PTPRD: variants seen among roughly 807,000 people sequenced by gnomAD.
PTPRD encodes the protein protein tyrosine phosphatase receptor type D, also known as receptor-type tyrosine-protein phosphatase delta.
A neutral mutation model predicts 214.5 loss-of-function variants in PTPRD; 34 were observed. That is an observed-to-expected ratio of 0.16 (90% confidence interval 0.12 to 0.21). PTPRD has a LOEUF of 0.21. Ranked by LOEUF, PTPRD falls within the 10% of genes least tolerant of loss-of-function variation. The probability of loss-of-function intolerance (pLI) is 1.00; values close to 1 mark genes in which losing one functional copy is unlikely to be tolerated. For missense variants in PTPRD, 2,545 were observed against 2,398.7 expected, an observed-to-expected ratio of 1.06 and a Z score of -1.27; for synonymous variants, 1,128 against 845.7, an observed-to-expected ratio of 1.33 and a Z score of -5.79.
intron 11 of PTPRD, among the ~76,000 whole-genome samples, chr9:8,785,971 T>C (rs1286750842): frequency 6.6e-6 from 1 of 152,096 alleles, no homozygotes; most frequent in Non-Finnish European, 1.5e-5. Flanking sequence ...ACAGAATCAC[T>C]TCCAATTGCT....
intron 3 of PTPRD, among the ~76,000 whole-genome samples, chr9:10,096,591 T>A (rs921169325): frequency 4.6e-5 from 7 of 151,954 alleles, no homozygotes; most frequent in African/African-American, 1.7e-4. Flanking sequence ...GGGTTTTTTG[T>A]TTTTTTCTTG....
intron 9 of PTPRD, among the ~76,000 whole-genome samples, chr9:9,331,776 G>A (rs1275847648): frequency 6.6e-6 from 1 of 151,908 alleles, no homozygotes; most frequent in Admixed American, 6.6e-5. Flanking sequence ...CAAATAAATA[G>A]GTGCAGTGAC....
intron 7 of PTPRD, among the ~76,000 whole-genome samples, chr9:9,590,713 A>G (rs1255725996): frequency 1.3e-5 from 2 of 152,018 alleles, no homozygotes; most frequent in Middle Eastern, 3.2e-3. Flanking sequence ...ATTCTTACCC[A>G]AAATCTGAAT....
intron 12 of PTPRD, among the ~76,000 whole-genome samples, chr9:8,721,182 A>G (rs2098491805): frequency 6.6e-6 from 1 of 151,992 alleles, no homozygotes; most frequent in African/African-American, 2.4e-5. Context: ...TTATCCCAAC[A>G]CTTTGGGAAG....
At chr9:8,789,977 C>G (rs958060623) in intron 11 of PTPRD, among the ~76,000 whole-genome samples, 4 of 152,072 alleles carry the variant, frequency 2.6e-5, no homozygotes, top group African/African-American at 9.7e-5. Flanking sequence ...CTATACAATA[C>G]TATACAACTC....
At chr9:10,599,587 G>T (rs191638437) in intron 2 of PTPRD, among the ~76,000 whole-genome samples, 1 of 151,752 alleles carries the variant, frequency 6.6e-6, no homozygotes, top group East Asian at 1.9e-4. Flanking sequence ...AAACAAATAG[G>T]CAAAGAACCA....
chr9:10,264,496 T>G (rs190883888), intron 3 of PTPRD, among the ~76,000 whole-genome samples: 11 of 152,292 alleles, frequency 7.2e-5, no homozygotes, highest in Admixed American at 2.6e-4. Context: ...CTGCTGGATT[T>G]TGGACTTGCA....
At chr9:10,540,328 A>G (rs921712501) in intron 2 of PTPRD, among the ~76,000 whole-genome samples, 1 of 152,126 alleles carries the variant, frequency 6.6e-6, no homozygotes, top group East Asian at 1.9e-4. Flanking sequence ...GGACCCGGGC[A>G]TATTGTTCTT....
At chr9:9,109,685 G>T (rs895882243) in intron 10 of PTPRD, among the ~76,000 whole-genome samples, 5 of 152,078 alleles carry the variant, frequency 3.3e-5, no homozygotes, top group African/African-American at 1.2e-4. Context: ...TTTGCAAGAA[G>T]GTTTGAGGCC....
At chr9:9,803,062 T>C (rs971871729) in intron 5 of PTPRD, among the ~76,000 whole-genome samples, 3 of 151,918 alleles carry the variant, frequency 2.0e-5, no homozygotes, top group Non-Finnish European at 4.4e-5. Context: ...TTTTGCAGCA[T>C]ATGCATATCG....
intron 3 of PTPRD, among the ~76,000 whole-genome samples, chr9:10,110,439 G>A (rs1341861465): frequency 6.6e-6 from 1 of 152,142 alleles, no homozygotes; most frequent in African/African-American, 2.4e-5. Context: ...AAAGGGATGA[G>A]CTCTCCATTA....
intron 12 of PTPRD, among the ~76,000 whole-genome samples, chr9:8,677,026 C>A (rs1056857924): frequency 6.6e-6 from 1 of 152,066 alleles, no homozygotes; most frequent in Admixed American, 6.5e-5. Context: ...TTATAAAAAG[C>A]CATAATGGAC....
intron 2 of PTPRD, among the ~76,000 whole-genome samples, chr9:10,504,224 T>C (rs188186052): frequency 2.7e-5 from 4 of 150,216 alleles, no homozygotes; most frequent in African/African-American, 9.8e-5. Context: ...AGGTGTGATA[T>C]ATGCATCGAA....
At chr9:9,747,713 A>AT (rs1396310068) in intron 6 of PTPRD, among the ~76,000 whole-genome samples, 2 of 151,506 alleles carry the variant, frequency 1.3e-5, no homozygotes, top group African/African-American at 2.4e-5. Context: ...CACCTGGCTA[A>AT]TTTTTTTGTG....
At position 10,535,453 on chromosome 9, in the gene PTPRD, A is replaced by G. The variant is rs571632447; in HGVS notation, c.-600+76945T>C. On this transcript the variant is annotated intron_variant, in intron 2 of 45. Coordinates refer to ENST00000381196, the MANE Select transcript of PTPRD (RefSeq NM_002839.4). ...GTGAGCTGTTTCAACAATGCCATTT[A>G]TTTGTAATCTGGTGAGCTTACTGTA... is the stretch of plus-strand genomic sequence containing the variant. 2.6e-5 allele frequency among the ~76,000 whole-genome samples: 4 copies of G among 152,240 alleles called. No homozygotes were observed. The South Asian group carries it at 8.3e-4, about 32-fold the overall frequency.
intron 10 of PTPRD, among the ~76,000 whole-genome samples, chr9:9,124,552 A>G (rs547141277): frequency 1.0e-3 from 158 of 152,252 alleles, no homozygotes; most frequent in African/African-American, 3.6e-3. Flanking sequence ...GCAATTATAG[A>G]CTCTCAGCTC....
rs114796549 is a variant in PTPRD at position 10,091,917 on chromosome 9, C to T, written c.-544-58127G>A. 9.6e-4 allele frequency among the ~76,000 whole-genome samples: 146 copies of T among 151,328 alleles called. 1 individual carries two copies. Among genetic ancestry groups the T allele is most frequent in the African/African-American group, 2.8e-3 (114 of 41,386 alleles). On this transcript the variant is annotated intron_variant, in intron 3 of 45. Coordinates refer to ENST00000381196, the MANE Select transcript of PTPRD (RefSeq NM_002839.4). Reference sequence around the variant, plus strand: ...AATTATTAATGGATCCTTTAAAGGACGACTCCAGATGACCTCGGCTTCAGA... The same window carrying T: ...AATTATTAATGGATCCTTTAAAGGATGACTCCAGATGACCTCGGCTTCAGA...
intron 7 of PTPRD, among the ~76,000 whole-genome samples, chr9:9,724,786 T>C (rs1357195881): frequency 2.0e-5 from 3 of 152,126 alleles, no homozygotes; most frequent in Admixed American, 2.0e-4. Context: ...GTGGAGGAAA[T>C]GGAGGTACAC....
intron 7 of PTPRD, among the ~76,000 whole-genome samples, chr9:9,703,644 G>C (rs911403839): frequency 7.9e-5 from 12 of 152,132 alleles, no homozygotes; most frequent in Admixed American, 2.0e-4. Flanking sequence ...TAGTAATTTT[G>C]CTATCTGTTG....
Sources: allele counts gnomAD v4.1 joint callset (sites outside exome capture counted in the v4.1 genomes callset), GRCh38; gene constraint gnomAD v4.1.1; transcripts MANE v1.5; gene names NCBI Gene and HGNC (gene_info 2026-07-23, HGNC 2026-07-21).